Variants in LRRIQ1 observed in about 807,000 individuals in gnomAD.
LRRIQ1 encodes leucine-rich repeat- and IQ domain-containing protein 1.
A neutral mutation model predicts 211.9 loss-of-function variants in LRRIQ1; 210 were observed. That is an observed-to-expected ratio of 0.99 (90% confidence interval 0.89 to 1.11). The LOEUF (loss-of-function observed/expected upper bound fraction) is 1.11, where lower values mean the gene tolerates loss of function less well. Ranked by LOEUF, LRRIQ1 falls within the 50% of genes most tolerant of loss-of-function variation. The probability of loss-of-function intolerance (pLI) is 0.00; values close to 1 mark genes in which losing one functional copy is unlikely to be tolerated. For synonymous variants in LRRIQ1, 699 were observed against 650.1 expected (o/e 1.08, Z -1.14); for missense variants, 2,136 against 1,939.5 (o/e 1.10, Z -1.90).
At position 85,137,977 on chromosome 12, in the gene LRRIQ1, C is replaced by A. The variant is rs375619640; in HGVS notation, c.4329+8C>A. Reference sequence around the variant, plus strand: ...GATTTTATATTTGATGAAGTAAGTACGAACTATAGTATATAAATATTGGTC... The same window carrying A: ...GATTTTATATTTGATGAAGTAAGTAAGAACTATAGTATATAAATATTGGTC... On this transcript the variant is annotated splice_region_variant and intron_variant, in intron 19 of 26. Transcript: ENST00000393217. 7.5e-7 allele frequency: 1 copy of A among 1,328,758 alleles called. No individual in the cohort carries two copies. Among genetic ancestry groups the A allele is most frequent in the East Asian group, 2.4e-5 (1 of 42,492 alleles). 82.3% of individuals were successfully genotyped at this position (1,328,758 alleles called of 1,614,324 possible).
At chr12:85,161,663 TAACC>T (rs1890883624) in intron 24 of LRRIQ1, among the ~76,000 whole-genome samples, 1 of 152,174 alleles carries the variant, frequency 6.6e-6, no homozygotes, top group South Asian at 2.1e-4. Context: ...AAAAGTTTGT[TAACC>T]ACCAAATTTA....
intron 1 of LRRIQ1, among the ~76,000 whole-genome samples, chr12:85,256,723 A>T (rs1896105723): frequency 6.6e-6 from 1 of 151,454 alleles, no homozygotes; most frequent in African/African-American, 2.4e-5. Flanking sequence ...ACAGTATGAC[A>T]GTTTCTAACA....
chr12:85,142,302 C>T (rs1311952392), intron 19 of LRRIQ1, among the ~76,000 whole-genome samples: 1 of 151,358 alleles, frequency 6.6e-6, no homozygotes, highest in East Asian at 1.9e-4. Flanking sequence ...TTGGTGAGAT[C>T]ATACAGCTTC....
intron 1 of LRRIQ1, among the ~76,000 whole-genome samples, chr12:85,255,780 G>A (rs1480352306): frequency 6.6e-6 from 1 of 151,454 alleles, no homozygotes. Flanking sequence ...AATTTTTTAG[G>A]TGTTGATATT....
chr12:85,154,282 C>G lies in LRRIQ1; in HGVS notation c.4720+188C>G, dbSNP rs552724466. ...GCTATGCCATTGAATGATTTATACT[C>G]TTAAACACTATTTTTACTTTTTCGG... On this transcript the variant is annotated intron_variant, in intron 23 of 26. Coordinates refer to ENST00000393217, the MANE Select transcript of LRRIQ1 (RefSeq NM_001079910.2). Among the ~76,000 whole-genome samples, 16 of 145,526 alleles carry G rather than the reference C, an allele frequency of 1.1e-4. No homozygotes were observed. The South Asian group carries it at 3.5e-3, about 32-fold the overall frequency.
chr12:85,081,794 G>A (rs1272832611), intron 11 of LRRIQ1, among the ~76,000 whole-genome samples: 1 of 140,380 alleles, frequency 7.1e-6, no homozygotes, highest in Non-Finnish European at 1.5e-5. Context: ...TGGGGTCTCA[G>A]CTCATTGCAA....
chr12:85,057,682 G>A (rs1174757336), intron 8 of LRRIQ1, among the ~76,000 whole-genome samples: 2 of 151,968 alleles, frequency 1.3e-5, no homozygotes, highest in Non-Finnish European at 2.9e-5. Context: ...TTTAGCGTGT[G>A]CTATTTAAAG....
chr12:85,236,107 C>T (rs577464249), intron 26 of LRRIQ1, among the ~76,000 whole-genome samples: 1 of 152,160 alleles, frequency 6.6e-6, no homozygotes, highest in Admixed American at 6.6e-5. Context: ...CCTTTTACAA[C>T]AGTGGACAGA....
At chr12:85,263,181 G>A in exon 2 of LRRIQ1, 1 of 503,492 alleles carries the variant, frequency 2.0e-6, no homozygotes, top group Non-Finnish European at 2.6e-6. Context: ...TTTATTATAC[G>A]TATTTCACAA....
intron 24 of LRRIQ1, among the ~76,000 whole-genome samples, chr12:85,229,213 A>G (rs1335955901): frequency 2.0e-5 from 3 of 152,192 alleles, no homozygotes; most frequent in Admixed American, 2.0e-4. Flanking sequence ...GAAAAATTCT[A>G]CAGTCTACCA....
chr12:85,061,506 A>T (rs541825764), intron 8 of LRRIQ1, among the ~76,000 whole-genome samples: 1 of 151,840 alleles, frequency 6.6e-6, no homozygotes, highest in Non-Finnish European at 1.5e-5. Flanking sequence ...CTGTACTATA[A>T]TAAGATTAAA....
intron 24 of LRRIQ1, among the ~76,000 whole-genome samples, chr12:85,195,459 C>A (rs1460804029): frequency 6.6e-6 from 1 of 151,576 alleles, no homozygotes; most frequent in Admixed American, 6.6e-5. Flanking sequence ...AGCAGCACAT[C>A]AAAAAGCTTA....
At chr12:85,173,678 G>A (rs774203861) in intron 24 of LRRIQ1, among the ~76,000 whole-genome samples, 2 of 152,022 alleles carry the variant, frequency 1.3e-5, no homozygotes, top group Non-Finnish European at 2.9e-5. Context: ...GAGAGAGAGA[G>A]AGAGGTCTTT....
downstream of LRRIQ1, among the ~76,000 whole-genome samples, chr12:85,267,215 C>T (rs986626136): frequency 6.6e-6 from 1 of 151,954 alleles, no homozygotes; most frequent in Non-Finnish European, 1.5e-5. Context: ...TGATGTGAGC[C>T]ATGTATGTAA....
intron 14 of LRRIQ1, 34 bp from the exon 15 acceptor site, chr12:85,106,488 A>C: frequency 7.1e-7 from 1 of 1,407,758 alleles, no homozygotes; most frequent in Non-Finnish European, 1.0e-6. Flanking sequence ...TAAATCTGTG[A>C]TGATACCTTT....
At chr12:85,089,501 G>A (rs1029578237) in intron 11 of LRRIQ1, among the ~76,000 whole-genome samples, 2 of 152,188 alleles carry the variant, frequency 1.3e-5, no homozygotes, top group Non-Finnish European at 2.9e-5. Flanking sequence ...GGATGCAGAG[G>A]TCTCAGATAC....
intron 23 of LRRIQ1, among the ~76,000 whole-genome samples, chr12:85,157,356 TATC>T (rs1890611936): frequency 6.6e-6 from 1 of 151,948 alleles, no homozygotes; most frequent in South Asian, 2.1e-4. Flanking sequence ...TGTGAGGAGT[TATC>T]ATTACTTATA....
At chr12:85,038,587 A>G (rs760013557) in intron 2 of LRRIQ1, among the ~76,000 whole-genome samples, 2 of 151,824 alleles carry the variant, frequency 1.3e-5, no homozygotes, top group African/African-American at 4.8e-5. Flanking sequence ...ATCTTTTGAC[A>G]TATCAAAATG....
chr12:85,178,499 G>T (rs1009634305), intron 24 of LRRIQ1, among the ~76,000 whole-genome samples: 4 of 151,946 alleles, frequency 2.6e-5, no homozygotes, highest in African/African-American at 9.7e-5. Flanking sequence ...CCTTGAGACA[G>T]GATTCATGGT....
Sources: allele counts gnomAD v4.1 joint callset (sites outside exome capture counted in the v4.1 genomes callset), GRCh38; gene constraint gnomAD v4.1.1; transcripts MANE v1.5; gene names NCBI Gene and HGNC (gene_info 2026-07-23, HGNC 2026-07-21).